The following ANKRD35 variants were observed in gnomAD, a reference collection of about 807,000 sequenced individuals.
The protein encoded by ANKRD35 is ankyrin repeat domain 35.
ANKRD35 carries 102 observed loss-of-function variants against 109.9 expected under a neutral mutation model. The observed-to-expected ratio is 0.93, with a 90% CI of 0.79 to 1.09. The LOEUF is 1.09. Among genes scored for constraint, ANKRD35 ranks in the 50% least tolerant of loss-of-function variants. The probability of loss-of-function intolerance (pLI) is 0.00; values close to 1 mark genes in which losing one functional copy is unlikely to be tolerated. For synonymous variants in ANKRD35, 515 were observed against 512.4 expected, an observed-to-expected ratio of 1.01 and a Z score of -0.07; for missense variants, 1,240 against 1,230.1, an observed-to-expected ratio of 1.01 and a Z score of -0.12.
Position 145,874,133 on chromosome 1 carries a change from G to C in ANKRD35, c.783+22C>G, listed in dbSNP as rs781882367. 2.5e-5 allele frequency: 40 copies of C among 1,613,898 alleles called. No individual in the cohort carries two copies. In the South Asian group the frequency reaches 4.0e-4, roughly 16 times the overall value. ...GCCTGGGGTGTGTCAAAAGCAAAAG[G>C]GGGAGGCACTTAGGGTCTTACCTGG... On this transcript the variant is annotated intron_variant, in intron 9 of 13. Transcript: ENST00000355594.
chr1:145,875,695 C>T (rs201830599), intron 7 of ANKRD35, among the ~76,000 whole-genome samples: 3 of 152,048 alleles, frequency 2.0e-5, no homozygotes, highest in Non-Finnish European at 4.4e-5. Context: ...ACTACAGGCA[C>T]CCACCACCAT....
chr1:145,876,207 G>A lies in ANKRD35; in HGVS notation c.493C>T (p.His165Tyr). Reference protein sequence around the residue: ...TPLMIASLGGHAAICSQLLQR... With the variant: ...TPLMIASLGGYAAICSQLLQR... Reference sequence around the variant, plus strand: ...AGCAGCTGTGAGCAGATAGCTGCGTGCCCACCCAGCGATGCGATCATCAGG... The same window carrying A: ...AGCAGCTGTGAGCAGATAGCTGCGTACCCACCCAGCGATGCGATCATCAGG... The change falls in exon 7 of 14, where the codon CAC becomes TAC. Residue 165 changes from histidine (H) to tyrosine (Y), a missense_variant. Transcript: ENST00000355594. 6.2e-7 allele frequency: 1 copy of A among 1,613,996 alleles called. No homozygotes were observed. Among genetic ancestry groups the A allele is most frequent in the Non-Finnish European group, 8.5e-7 (1 of 1,179,966 alleles).
chr1:145,879,459 G>A (rs587756294), intron 1 of ANKRD35, 71 bp from the exon 2 acceptor site: 2 of 1,358,708 alleles, frequency 1.5e-6, no homozygotes, highest in East Asian at 2.7e-5. Context: ...GAGGCAAATG[G>A]TTAGGATGCC....
rs146033160 is a variant in ANKRD35, at chr1:145,871,121, TTTTCTTTCTTTC to T, written c.2787+849_2787+860del. On this transcript the variant is annotated intron_variant, in intron 10 of 13. Coordinates refer to ENST00000355594, the MANE Select transcript of ANKRD35 (RefSeq NM_144698.5). ...TATCTAATAGTGGTTTTCAAGCTTT[TTTTCTTTCTTTC>T]TTTCTTTCTTTTCTTTTTTCTTTTT... is the stretch of plus-strand genomic sequence containing the variant. Among the ~76,000 whole-genome samples the T allele has an allele frequency of 4.5e-5, 5 of 112,336 alleles. 1 individual carries two copies. The highest frequency in any genetic ancestry group is 3.6e-4 in the South Asian group (1 of 2,746). 73.7% of individuals were successfully genotyped at this position (112,336 alleles called of 152,430 possible).
At chr1:145,875,631 C>T (rs1365551066) in intron 7 of ANKRD35, among the ~76,000 whole-genome samples, 3 of 152,016 alleles carry the variant, frequency 2.0e-5, no homozygotes, top group Non-Finnish European at 4.4e-5. Flanking sequence ...TCACTGCAAC[C>T]TCCACCTCCC....
chr1:145,876,106 T>G, intron 7 of ANKRD35, 34 bp downstream of exon 7: 1 of 1,592,556 alleles, frequency 6.3e-7, no homozygotes. Context: ...TGGTCAGGCA[T>G]GGGAATTGGG....
rs1553739574 is a variant in ANKRD35 at position 145,873,961 on chromosome 1, C to T, written c.808G>A (p.Gly270Ser). 5.0e-6 allele frequency: 8 copies of T among 1,614,060 alleles called. No individual in the cohort carries two copies. Among genetic ancestry groups the T allele is most frequent in the Non-Finnish European group, 5.9e-6 (7 of 1,180,004 alleles). Residue 270 changes from glycine (G) to serine (S), a missense_variant, in exon 10 of 14, where the codon GGT (glycine) becomes AGT (serine). Physicochemically the swap from Gly to Ser is moderately conservative, Grantham distance 56. Transcript: ENST00000355594. ...CTCCATGAGCTCTTAGGAGGAGAACCTGCCTGGGGCTCAGATGGAGAGGCC... is the reference window on the plus strand; with the variant it reads ...CTCCATGAGCTCTTAGGAGGAGAACTTGCCTGGGGCTCAGATGGAGAGGCC... ...SQASPSEPQA[G>S]SPPKSSWRAE...
At position 145,873,412 on chromosome 1, in the gene ANKRD35, C is replaced by G. The variant is rs1653928581; in HGVS notation, c.1357G>C (p.Gly453Arg). The G allele has an allele frequency of 1.9e-6, 3 of 1,614,036 alleles. No homozygotes were observed. Among genetic ancestry groups the G allele is most frequent in the Non-Finnish European group, 1.7e-6 (2 of 1,180,038 alleles). The change falls in exon 10 of 14, where the codon GGC becomes CGC. Residue 453 changes from glycine to arginine, a missense_variant. Coordinates refer to ENST00000355594, the MANE Select transcript of ANKRD35 (RefSeq NM_144698.5). Reference protein sequence around the residue: ...QLTTNGAQTFGPDHADQLPAG... With the variant: ...QLTTNGAQTFRPDHADQLPAG... ...GGCAGCTGGTCAGCATGATCAGGGC[C>G]AAAGGTCTGTGCCCCATTGGTAGTC...
intron 6 of ANKRD35, 126 bp from the exon 7 acceptor site, chr1:145,876,372 T>C: frequency 8.8e-7 from 1 of 1,139,054 alleles, no homozygotes; most frequent in Non-Finnish European, 1.3e-6. Context: ...GTCTGAACAC[T>C]CCCTTTTGGA....
intron 10 of ANKRD35, among the ~76,000 whole-genome samples, chr1:145,871,141 CTTTTCTTT>C (rs1653796636): frequency 5.3e-5 from 4 of 75,578 alleles, no homozygotes; most frequent in Non-Finnish European, 1.0e-4. Context: ...TTCTTTCTTT[CTTTTCTTT>C]TTTCTTTTTT....
At chr1:145,883,100 T>C (rs1337771781) in intron 1 of ANKRD35, among the ~76,000 whole-genome samples, 1 of 134,326 alleles carries the variant, frequency 7.4e-6, no homozygotes, top group Non-Finnish European at 1.5e-5. Flanking sequence ...TTTTTTTTTT[T>C]TGAGACGGAG....
chr1:145,875,081 A>G, intron 7 of ANKRD35, 75 bp from the exon 8 acceptor site: 2 of 1,448,654 alleles, frequency 1.4e-6, no homozygotes, highest in Non-Finnish European at 1.9e-6. Context: ...CATTCCACTC[A>G]CAGGGTAAGC....
In ANKRD35 at chr1:145,867,484, T is replaced by A. The variant is rs587635972; in HGVS notation, c.2944-92A>T. On this transcript the variant is annotated intron_variant, in intron 12 of 13. Transcript: ENST00000355594. ...GAGGTTCTGTGGTACAGTGGAAGGC[T>A]ATTTATTTACTATATACCTTCACTT... 7.7e-5 allele frequency: 85 copies of A among 1,097,980 alleles called. No homozygotes were observed. In the African/African-American group the frequency reaches 1.1e-3, roughly 15 times the overall value. 68.0% of individuals were successfully genotyped at this position (1,097,980 alleles called of 1,614,324 possible). A position where few individuals can be genotyped will look rare whatever the true frequency, so the allele number is the denominator to read the frequency against.
intron 2 of ANKRD35, 36 bp from the exon 3 acceptor site, chr1:145,878,515 G>T (rs1654169363): frequency 1.3e-6 from 2 of 1,538,486 alleles, no homozygotes; most frequent in Non-Finnish European, 1.8e-6. Flanking sequence ...AAAGGATAAA[G>T]GGACCAGGGA....
rs369082113 is a variant in ANKRD35 at position 145,873,733 on chromosome 1, C to A, written c.1036G>T (p.Val346Phe). ...GCTCTGGGCTCCCAGGATAGGAGGA[C>A]CCCTAGCTCCTGCGCCTGCTCTCGA... ...QIREQAQELGVLLSWEPRASG... is the reference protein window; with the variant it reads ...QIREQAQELGFLLSWEPRASG... The change falls in exon 10 of 14, where the codon GTC (valine) becomes TTC (phenylalanine). Residue 346 changes from valine (V) to phenylalanine (F), a missense_variant. Coordinates refer to ENST00000355594, the MANE Select transcript of ANKRD35 (RefSeq NM_144698.5). 1.4e-5 allele frequency: 22 copies of A among 1,613,740 alleles called. No individual in the cohort carries two copies. Among genetic ancestry groups the A allele is most frequent in the Non-Finnish European group, 1.7e-5 (20 of 1,179,822 alleles).
chr1:145,876,787 C>T (rs369763789), intron 5 of ANKRD35, 29 bp downstream of exon 5: 2 of 1,613,956 alleles, frequency 1.2e-6, no homozygotes, highest in African/African-American at 2.7e-5. Flanking sequence ...GTCTCTGCAG[C>T]CCTGTTCCCA....
At chr1:145,871,561 G>A (rs1553738653) in intron 10 of ANKRD35, among the ~76,000 whole-genome samples, 1 of 152,146 alleles carries the variant, frequency 6.6e-6, no homozygotes. Flanking sequence ...CTCTCGCTGG[G>A]TCTACTTTTC....
In ANKRD35 at chr1:145,885,753, C is replaced by G; in HGVS notation, c.6G>C (p.Lys2Asn). Reference protein sequence around the residue: MKRIFSCSSTQV... With the variant: MNRIFSCSSTQV... ...GTGTGCTGGAGCAGGAGAAGATACG[C>G]TTCATGGCCGGGGTCGGGGCCACGG... is the stretch of plus-strand genomic sequence containing the variant. The change falls in exon 1 of 14, where the codon AAG becomes AAC. Residue 2 changes from lysine (K) to asparagine (N), a missense_variant. Transcript: ENST00000355594. The G allele has an allele frequency of 6.2e-7, 1 of 1,614,036 alleles. No homozygotes were observed. The highest frequency in any genetic ancestry group is 8.5e-7 in the Non-Finnish European group (1 of 1,179,952).
At chr1:145,874,301 A>T (rs1373273397) in intron 8 of ANKRD35, 109 bp from the exon 9 acceptor site, 22 of 1,173,730 alleles carry the variant, frequency 1.9e-5, no homozygotes, top group Non-Finnish European at 2.8e-5. Context: ...CTCTGTGATC[A>T]ATCTCACTGC....
Sources: gnomAD v4.1 joint callset for allele counts (sites outside exome capture counted in the v4.1 genomes callset) on GRCh38, gnomAD v4.1.1 for gene constraint, MANE v1.5 for transcripts, NCBI Gene and HGNC (gene_info 2026-07-23, HGNC 2026-07-21) for gene names.